The following KCNIP4 variants were observed in gnomAD, a reference collection of about 807,000 sequenced individuals.
KCNIP4 encodes potassium voltage-gated channel interacting protein 4, also known as Kv channel-interacting protein 4.
In KCNIP4, 12 loss-of-function variants were observed where a neutral mutation model predicts 34.0. The observed-to-expected ratio is 0.35, with a 90% CI of 0.23 to 0.57. KCNIP4 has a LOEUF of 0.57. Among genes scored for constraint, KCNIP4 ranks in the 20% least tolerant of loss-of-function variants. The probability of loss-of-function intolerance (pLI) is 0.83; values close to 1 mark genes in which losing one functional copy is unlikely to be tolerated. For synonymous variants in KCNIP4, 124 were observed against 102.2 expected (o/e 1.21, Z -1.29); for missense variants, 238 against 311.7 (o/e 0.76, Z 1.78).
chr4:21,456,491 A>G (rs914925693), intron 1 of KCNIP4, among the ~76,000 whole-genome samples: 6 of 148,288 alleles, frequency 4.0e-5, no homozygotes, highest in African/African-American at 1.3e-4. Flanking sequence ...CTTAATTTAT[A>G]TTTCTTTAAA....
chr4:21,598,415 G>A (rs780563316), intron 1 of KCNIP4, among the ~76,000 whole-genome samples: 1 of 152,072 alleles, frequency 6.6e-6, no homozygotes, highest in Non-Finnish European at 1.5e-5. Context: ...AGTCTCTGAT[G>A]CAATACTCAA....
At chr4:21,150,443 T>C (rs1338055182) in intron 1 of KCNIP4, among the ~76,000 whole-genome samples, 2 of 144,884 alleles carry the variant, frequency 1.4e-5, no homozygotes, top group Admixed American at 6.7e-5. Context: ...CCCCTGACTG[T>C]GATCTCAGTT....
intron 1 of KCNIP4, among the ~76,000 whole-genome samples, chr4:21,621,104 A>G: frequency 6.6e-6 from 1 of 152,206 alleles, no homozygotes; most frequent in South Asian, 2.1e-4. Flanking sequence ...GAAGTGAGCC[A>G]AGCAAAAAGC....
At position 21,752,497 on chromosome 4, in the gene KCNIP4, GTC is replaced by G. The variant is rs1717217129; in HGVS notation, c.61+196072_61+196073del. Among the ~76,000 whole-genome samples the G allele has an allele frequency of 2.0e-5, 3 of 152,074 alleles. No homozygotes were observed. In the South Asian group the frequency reaches 6.2e-4, roughly 32 times the overall value. On this transcript the variant is annotated intron_variant, in intron 1 of 8. Transcript: ENST00000382152. Reference sequence around the variant, plus strand: ...CCGTAATCCAACCACCTCCCACCAGGTCTCTCCCTCAACACCTGGGGATTCCA... The same window carrying G: ...CCGTAATCCAACCACCTCCCACCAGGTCTCCCTCAACACCTGGGGATTCCA...
At chr4:21,670,260 T>C (rs1275363811) in intron 1 of KCNIP4, among the ~76,000 whole-genome samples, 2 of 152,056 alleles carry the variant, frequency 1.3e-5, no homozygotes, top group Non-Finnish European at 2.9e-5. Flanking sequence ...GATGAGTTCA[T>C]GGCCTTTGTA....
chr4:21,556,930 A>AAAAAAAAAAAAC (rs1739097511), intron 1 of KCNIP4, among the ~76,000 whole-genome samples: 1 of 108,194 alleles, frequency 9.2e-6, no homozygotes, highest in East Asian at 3.2e-4. Flanking sequence ...CAGAAAAAAA[A>AAAAAAAAAAAAC]AAAAAAAAAA....
intron 1 of KCNIP4, among the ~76,000 whole-genome samples, chr4:21,827,296 T>C (rs1370635475): frequency 6.6e-6 from 1 of 152,054 alleles, no homozygotes; most frequent in Non-Finnish European, 1.5e-5. Flanking sequence ...AGTTTGTGCA[T>C]CTAAAATGCA....
At chr4:21,354,912 A>C (rs1011271374) in intron 1 of KCNIP4, among the ~76,000 whole-genome samples, 1 of 152,206 alleles carries the variant, frequency 6.6e-6, no homozygotes, top group Non-Finnish European at 1.5e-5. Context: ...AGCACTCCTC[A>C]GCAAATGTAA....
intron 5 of KCNIP4, among the ~76,000 whole-genome samples, chr4:20,738,766 AGT>A (rs1378009408): frequency 6.6e-6 from 1 of 152,088 alleles, no homozygotes; most frequent in Non-Finnish European, 1.5e-5. Context: ...CAGCCCACAG[AGT>A]GTGAGCCGAA....
chr4:21,596,673 T>C (rs2109108657), intron 1 of KCNIP4, among the ~76,000 whole-genome samples: 1 of 152,270 alleles, frequency 6.6e-6, no homozygotes, highest in Middle Eastern at 3.4e-3. Flanking sequence ...TTATTGATGC[T>C]ATTTATAACC....
chr4:21,415,379 C>A (rs1724862838), intron 1 of KCNIP4, among the ~76,000 whole-genome samples: 1 of 151,930 alleles, frequency 6.6e-6, no homozygotes, highest in Non-Finnish European at 1.5e-5. Context: ...ATCTGTTGTA[C>A]AACATTGTGC....
intron 1 of KCNIP4, among the ~76,000 whole-genome samples, chr4:21,592,352 A>G (rs1742285804): frequency 6.6e-6 from 1 of 152,272 alleles, no homozygotes; most frequent in African/African-American, 2.4e-5. Flanking sequence ...AACAACATAT[A>G]TAAGATATCT....
At chr4:21,678,305 ATTT>A (rs59561334) in intron 1 of KCNIP4, among the ~76,000 whole-genome samples, 18 of 117,580 alleles carry the variant, frequency 1.5e-4, no homozygotes, top group East Asian at 2.4e-4. Context: ...TCTTCTTTTG[ATTT>A]TTTTTTTTTT....
At chr4:21,948,092 G>GC (rs1205704322) in intron 1 of KCNIP4, among the ~76,000 whole-genome samples, 7 of 152,192 alleles carry the variant, frequency 4.6e-5, no homozygotes, top group Non-Finnish European at 1.0e-4. Context: ...TCTGACATGG[G>GC]CAAGATGCCG....
At chr4:21,474,642 G>GA (rs1730765224) in intron 1 of KCNIP4, among the ~76,000 whole-genome samples, 1 of 152,070 alleles carries the variant, frequency 6.6e-6, no homozygotes, top group Admixed American at 6.6e-5. Flanking sequence ...AAGGAAAAAG[G>GA]AAGGGGCAGA....
chr4:20,837,277 A>G (rs1046867331), intron 3 of KCNIP4, among the ~76,000 whole-genome samples: 3 of 152,200 alleles, frequency 2.0e-5, no homozygotes, highest in African/African-American at 7.2e-5. Context: ...ATTAGTCAAC[A>G]CAGATTTAAG....
chr4:21,730,248 T>A (rs1285237867), intron 1 of KCNIP4: 5 of 152,204 alleles, frequency 3.3e-5, no homozygotes, highest in Non-Finnish European at 5.9e-5. Context: ...AACAGCCACA[T>A]CCCAGATCTT....
intron 1 of KCNIP4, among the ~76,000 whole-genome samples, chr4:21,167,097 C>T (rs1753688425): frequency 6.6e-6 from 1 of 151,702 alleles, no homozygotes; most frequent in Non-Finnish European, 1.5e-5. Context: ...TATAAGAAGC[C>T]AGATAAAAGG....
intron 1 of KCNIP4, among the ~76,000 whole-genome samples, chr4:21,264,477 C>T (rs1761673730): frequency 6.6e-6 from 1 of 152,114 alleles, no homozygotes; most frequent in South Asian, 2.1e-4. Flanking sequence ...CAACTCACTG[C>T]TGAACTGGAA....
Sources: gnomAD v4.1 joint callset for allele counts (sites outside exome capture counted in the v4.1 genomes callset) on GRCh38, gnomAD v4.1.1 for gene constraint, MANE v1.5 for transcripts, NCBI Gene and HGNC (gene_info 2026-07-23, HGNC 2026-07-21) for gene names.